GPD2: variants seen among roughly 807,000 people sequenced by gnomAD.
GPD2 encodes the protein glycerol-3-phosphate dehydrogenase, mitochondrial.
GPD2 carries 54 observed loss-of-function variants against 82.4 expected under a neutral mutation model. That is an observed-to-expected ratio of 0.66 (90% confidence interval 0.53 to 0.82). The LOEUF (loss-of-function observed/expected upper bound fraction) is 0.82. Ranked by LOEUF, GPD2 falls within the 40% of genes least tolerant of loss-of-function variation. The probability of loss-of-function intolerance (pLI) is 0.00; values close to 1 mark genes in which losing one functional copy is unlikely to be tolerated. For synonymous variants in GPD2, 288 were observed against 306.1 expected (o/e 0.94, Z 0.62); for missense variants, 748 against 896.2 (o/e 0.83, Z 2.11).
chr2:156,425,924 T>C, the GPD2 span, among the ~76,000 whole-genome samples: 2 of 99,546 alleles, frequency 2.0e-5, no homozygotes, highest in Non-Finnish European at 2.3e-5. Flanking sequence ...GTCTGGGTAC[T>C]TTTTTTTTTT....
At chr2:156,430,452 G>A, upstream of GPD2, among the ~76,000 whole-genome samples, 1 of 152,196 alleles carries the variant, frequency 6.6e-6, no homozygotes, top group South Asian at 2.1e-4. Flanking sequence ...ATGAATGTTT[G>A]ATATTAACAT....
chr2:156,574,973 TA>T (rs1173698434), intron 13 of GPD2, among the ~76,000 whole-genome samples: 2 of 152,226 alleles, frequency 1.3e-5, no homozygotes, highest in African/African-American at 4.8e-5. Context: ...TCCCTGTTTT[TA>T]TGTGTGAAAA....
At chr2:156,558,983 T>C (rs1208450505) in intron 9 of GPD2, among the ~76,000 whole-genome samples, 1 of 151,992 alleles carries the variant, frequency 6.6e-6, no homozygotes. Flanking sequence ...CCCTGCATTC[T>C]GTGGTCTAAT....
intron 9 of GPD2, among the ~76,000 whole-genome samples, chr2:156,565,202 G>T (rs886094078): frequency 1.3e-5 from 2 of 152,098 alleles, no homozygotes; most frequent in African/African-American, 2.4e-5. Flanking sequence ...TTCCTGATCA[G>T]TGTGGCTACC....
chr2:156,462,377 C>G (rs1683017987), intron 1 of GPD2, among the ~76,000 whole-genome samples: 1 of 152,002 alleles, frequency 6.6e-6, no homozygotes, highest in Admixed American at 6.6e-5. Flanking sequence ...CCTCCGCCTC[C>G]CGGGTTCAAG....
chr2:156,463,974 A>G (rs1256433146), intron 1 of GPD2, among the ~76,000 whole-genome samples: 1 of 152,190 alleles, frequency 6.6e-6, no homozygotes, highest in East Asian at 1.9e-4. Context: ...AGCCCTTTTA[A>G]AGAAGAAAAG....
intron 1 of GPD2, among the ~76,000 whole-genome samples, chr2:156,453,419 TAAACTGAAGAAAG>T (rs1307161681): frequency 1.3e-5 from 2 of 152,144 alleles, no homozygotes; most frequent in Non-Finnish European, 2.9e-5. Context: ...CTACAGTAGA[TAAACTGAAGAAAG>T]AGAAGGTGGT....
chr2:156,427,904 G>A, the GPD2 span, among the ~76,000 whole-genome samples: 2 of 152,242 alleles, frequency 1.3e-5, no homozygotes, highest in East Asian at 3.9e-4. Context: ...TTCTTGGCTT[G>A]TGTCTGCATT....
At chr2:156,571,477 T>C (rs1197909496) in intron 13 of GPD2, among the ~76,000 whole-genome samples, 185 bp downstream of exon 13, 1 of 152,142 alleles carries the variant, frequency 6.6e-6, no homozygotes, top group Admixed American at 6.5e-5. Flanking sequence ...TTTAGTTGTT[T>C]ATGGAAAATC....
At chr2:156,407,972 T>TTTTTG in the GPD2 span, among the ~76,000 whole-genome samples, 1 of 96,084 alleles carries the variant, frequency 1.0e-5, no homozygotes. Context: ...TTTTTTTTTT[T>TTTTTG]GAGACAGGGT....
intron 1 of GPD2, among the ~76,000 whole-genome samples, chr2:156,442,535 AGT>A (rs1477952625): frequency 6.6e-6 from 1 of 152,192 alleles, no homozygotes; most frequent in Non-Finnish European, 1.5e-5. Context: ...ATATTGGCTA[AGT>A]GTTGGCTCAT....
intron 1 of GPD2, among the ~76,000 whole-genome samples, chr2:156,463,964 A>G (rs890694336): frequency 2.0e-5 from 3 of 152,236 alleles, no homozygotes; most frequent in African/African-American, 7.2e-5. Context: ...GGTTTGTGCT[A>G]GCCCTTTTAA....
chr2:156,448,443 T>C (rs1682445501), intron 1 of GPD2, among the ~76,000 whole-genome samples: 1 of 152,202 alleles, frequency 6.6e-6, no homozygotes, highest in Non-Finnish European at 1.5e-5. Context: ...AATAAGATTA[T>C]AGTGGTGTAC....
chr2:156,569,063 A>T, intron 10 of GPD2, 104 bp downstream of exon 10: 1 of 950,450 alleles, frequency 1.1e-6, no homozygotes. Context: ...TCCTGGACTA[A>T]GGTGATTCTC....
At chr2:156,468,753 T>C (rs1489108387) in intron 1 of GPD2, among the ~76,000 whole-genome samples, 1 of 152,234 alleles carries the variant, frequency 6.6e-6, no homozygotes, top group Non-Finnish European at 1.5e-5. Flanking sequence ...GTACATGAGA[T>C]AATTTGCTAC....
chr2:156,446,784 G>A (rs967064389), intron 1 of GPD2, among the ~76,000 whole-genome samples: 7 of 152,092 alleles, frequency 4.6e-5, no homozygotes, highest in Non-Finnish European at 8.8e-5. Context: ...GGCTGGTCTC[G>A]AACTTGTGAT....
chr2:156,499,346 G>A (rs977269184), intron 3 of GPD2, among the ~76,000 whole-genome samples: 1 of 152,102 alleles, frequency 6.6e-6, no homozygotes, highest in Non-Finnish European at 1.5e-5. Context: ...CTGGAGTTGA[G>A]AACTGAGTGG....
At chr2:156,412,505 T>C in the GPD2 span, among the ~76,000 whole-genome samples, 1 of 152,070 alleles carries the variant, frequency 6.6e-6, no homozygotes, top group South Asian at 2.1e-4. Flanking sequence ...CATCTTTTAC[T>C]AGTTCTGTAA....
intron 11 of GPD2, 117 bp from the exon 12 acceptor site, chr2:156,569,970 G>C (rs1160286441): frequency 2.3e-6 from 2 of 885,304 alleles, no homozygotes; most frequent in Non-Finnish European, 3.7e-6. Context: ...TACTCTCCGA[G>C]AGCTATTAGT....
Sources: allele counts gnomAD v4.1 joint callset (sites outside exome capture counted in the v4.1 genomes callset), GRCh38; gene constraint gnomAD v4.1.1; transcripts MANE v1.5; gene names NCBI Gene and HGNC (gene_info 2026-07-23, HGNC 2026-07-21).